The following SMG6 variants were observed in gnomAD, a reference collection of about 807,000 sequenced individuals.
SMG6 encodes SMG6 nonsense mediated mRNA decay factor, also known as telomerase-binding protein EST1A.
A neutral mutation model predicts 142.2 loss-of-function variants in SMG6; 66 were observed. The ratio of observed to expected loss-of-function variants is 0.46; its 90% confidence interval spans 0.38 to 0.57. SMG6 has a LOEUF of 0.57. Ranked by LOEUF, SMG6 falls within the 20% of genes least tolerant of loss-of-function variation. The pLI is 0.00. For synonymous variants in SMG6, 779 were observed against 702.4 expected (o/e 1.11, Z -1.72); for missense variants, 1,793 against 1,832.0 (o/e 0.98, Z 0.39).
At position 2,088,306 on chromosome 17, in the gene SMG6, A is replaced by T. The variant is rs796535844; in HGVS notation, c.3358-2405T>A. 8.1e-6 allele frequency: 8 copies of T among 985,322 alleles called. No homozygotes were observed. The African/African-American group carries it at 1.4e-4, about 17-fold the overall frequency. 61.0% of individuals were successfully genotyped at this position (985,322 alleles called of 1,614,324 possible). A position where few individuals can be genotyped will look rare whatever the true frequency, so the allele number is the denominator to read the frequency against. On this transcript the variant is annotated intron_variant, in intron 13 of 18. Coordinates refer to ENST00000263073, the MANE Select transcript of SMG6 (RefSeq NM_017575.5). ...GGATGTGGGACTCCTGGAGATGGGG[A>T]TTTCCAGGGCACAGCAGGACCCAGG...
intron 13 of SMG6, among the ~76,000 whole-genome samples, chr17:2,111,744 G>C (rs1334898802): frequency 1.3e-5 from 2 of 152,160 alleles, no homozygotes; most frequent in Non-Finnish European, 2.9e-5. Context: ...GGTGGCTGGA[G>C]CATCAAGGAG....
Position 2,299,865 on chromosome 17 carries a change from C to T in SMG6, c.888G>A (p.Val296=), listed in dbSNP as rs1304802256. ...CTAAGGAATCGGTTGAGGACACAGACACTTGCTTCTTCAGTCGTGGCCTCT... is the reference window on the plus strand; with the variant it reads ...CTAAGGAATCGGTTGAGGACACAGATACTTGCTTCTTCAGTCGTGGCCTCT... ...TKERPRLKKQ[V]SVSSTDSLDE... The change falls in exon 2 of 19, where the codon GTG becomes GTA. Residue 296 remains valine, a synonymous_variant. Transcript: ENST00000263073. This position sits in a 1 kb window ranked among gnomAD's most constrained non-coding sequence, Gnocchi z 4.3. 1.9e-6 allele frequency: 3 copies of T among 1,614,032 alleles called. No individual in the cohort carries two copies. The Admixed American group carries it at 5.0e-5, about 27-fold the overall frequency.
chr17:2,167,595 C>T (rs1385465455), intron 13 of SMG6, among the ~76,000 whole-genome samples: 1 of 152,216 alleles, frequency 6.6e-6, no homozygotes, highest in African/African-American at 2.4e-5. Context: ...TTCAAATTCA[C>T]TTATGGTGCC....
intron 10 of SMG6, among the ~76,000 whole-genome samples, chr17:2,189,396 G>A (rs577799422): frequency 1.3e-5 from 2 of 152,218 alleles, no homozygotes; most frequent in South Asian, 2.1e-4. Flanking sequence ...ATCTGAACTC[G>A]AGAGGAGCTG....
intron 13 of SMG6, among the ~76,000 whole-genome samples, chr17:2,132,813 G>A (rs1597444103): frequency 6.6e-6 from 1 of 152,184 alleles, no homozygotes; most frequent in African/African-American, 2.4e-5. Flanking sequence ...TTGTTGTTGA[G>A]ACAGGGTCTC....
chr17:2,151,596 T>C (rs1037218847), intron 13 of SMG6, among the ~76,000 whole-genome samples: 1 of 152,218 alleles, frequency 6.6e-6, no homozygotes, highest in Non-Finnish European at 1.5e-5. Flanking sequence ...CCATGTCACA[T>C]GCACAAAGAA....
rs1344579198 is a variant in SMG6, at chr17:2,071,150, G to C, written c.3682-2219C>G. Among the ~76,000 whole-genome samples the C allele has an allele frequency of 6.6e-6, 1 of 152,204 alleles. No individual in the cohort carries two copies. The highest frequency in any genetic ancestry group is 1.5e-5 in the Non-Finnish European group (1 of 68,030). ...TGACAGGGGCTGGGGGTCCGGCTCT[G>C]CACTGCGCCTCTGCCTCTGCCTCTG... is the stretch of plus-strand genomic sequence containing the variant. On this transcript the variant is annotated intron_variant, in intron 15 of 18. Coordinates refer to ENST00000263073, the MANE Select transcript of SMG6 (RefSeq NM_017575.5). The surrounding 1 kb of genome is among the most constrained non-coding windows in gnomAD (Gnocchi z 5.6).
At chr17:2,222,358 G>C (rs556253137) in intron 10 of SMG6, among the ~76,000 whole-genome samples, 1 of 151,892 alleles carries the variant, frequency 6.6e-6, no homozygotes, top group East Asian at 1.9e-4. Flanking sequence ...TATAGGAGGC[G>C]AGGTATTCAC....
At chr17:2,264,753 T>C (rs2074385076) in intron 8 of SMG6, among the ~76,000 whole-genome samples, 1 of 151,716 alleles carries the variant, frequency 6.6e-6, no homozygotes, top group Non-Finnish European at 1.5e-5. Context: ...AATACAAAAA[T>C]TAGCTGGGCA....
At chr17:2,086,968 C>A in intron 13 of SMG6, 1 of 1,273,634 alleles carries the variant, frequency 7.9e-7, no homozygotes, top group South Asian at 1.3e-5. Context: ...CCCCTTCATC[C>A]TCACTGACTA....
At chr17:2,133,169 C>T (rs532838825) in intron 13 of SMG6, among the ~76,000 whole-genome samples, 5 of 152,122 alleles carry the variant, frequency 3.3e-5, no homozygotes, top group Middle Eastern at 3.4e-3. Flanking sequence ...CACGTGAACC[C>T]GGGAGACAGA....
chr17:2,200,925 G>A (rs1477738530), intron 10 of SMG6, among the ~76,000 whole-genome samples: 5 of 152,042 alleles, frequency 3.3e-5, no homozygotes, highest in South Asian at 4.1e-4. Flanking sequence ...CACCACACCC[G>A]GCCCATTATT....
chr17:2,142,342 T>C (rs2070507302), intron 13 of SMG6, among the ~76,000 whole-genome samples: 1 of 152,182 alleles, frequency 6.6e-6, no homozygotes, highest in Non-Finnish European at 1.5e-5. Flanking sequence ...CCAGAATCTA[T>C]AAAGAACTCC....
chr17:2,300,894 G>A lies in SMG6; in HGVS notation c.89-230C>T, dbSNP rs923748971. ...AAGGCTAAGGACCTAACTGTGTTGG[G>A]GCTACCTACACTTGGGTAAGTGAAA... On this transcript the variant is annotated intron_variant, in intron 1 of 18. Coordinates refer to ENST00000263073, the MANE Select transcript of SMG6 (RefSeq NM_017575.5). Among the ~76,000 whole-genome samples, 5 of 152,156 alleles carry A rather than the reference G, an allele frequency of 3.3e-5. No homozygotes were observed. The South Asian group carries it at 8.3e-4, about 25-fold the overall frequency.
rs1474554185 is a variant in SMG6, at chr17:2,115,497, A to G, written c.3358-29596T>C. On this transcript the variant is annotated intron_variant, in intron 13 of 18. Transcript: ENST00000263073. ...AATAGTAATGGCACAAGCAGAGATA[A>G]ATAGACCTTTGGGGAAGAAGATACA... Among the ~76,000 whole-genome samples, 3 of 152,304 alleles carry G rather than the reference A, an allele frequency of 2.0e-5. No individual in the cohort carries two copies. The East Asian group carries it at 5.8e-4, about 29-fold the overall frequency.
chr17:2,107,614 C>A (rs187210004), intron 13 of SMG6, among the ~76,000 whole-genome samples: 1 of 152,208 alleles, frequency 6.6e-6, no homozygotes, highest in East Asian at 1.9e-4. Context: ...GCTGGGGCAG[C>A]TCCTCTGGGC....
At chr17:2,273,431 C>T (rs898816231) in intron 8 of SMG6, among the ~76,000 whole-genome samples, 38 of 152,200 alleles carry the variant, frequency 2.5e-4, no homozygotes, top group Admixed American at 2.1e-3. Flanking sequence ...GAGGCCGAGG[C>T]GGGTGGATCA....
At chr17:2,243,529 A>C (rs2073860608) in intron 9 of SMG6, among the ~76,000 whole-genome samples, 1 of 152,084 alleles carries the variant, frequency 6.6e-6, no homozygotes, top group African/African-American at 2.4e-5. Flanking sequence ...AAAAATGCAA[A>C]AATTAGCCAG....
intron 8 of SMG6, among the ~76,000 whole-genome samples, chr17:2,265,078 G>A (rs950494719): frequency 6.6e-6 from 1 of 152,068 alleles, no homozygotes; most frequent in East Asian, 1.9e-4. Flanking sequence ...AAATGTTTTT[G>A]ACCTTGTCAA....
Sources: gnomAD v4.1 joint callset for allele counts (sites outside exome capture counted in the v4.1 genomes callset) on GRCh38, gnomAD v4.1.1 for gene constraint, Gnocchi (gnomAD v3.1) non-coding constraint, MANE v1.5 for transcripts, NCBI Gene and HGNC (gene_info 2026-07-23, HGNC 2026-07-21) for gene names.